MPP4: variants seen among roughly 807,000 people sequenced by gnomAD.
MPP4 encodes MAGUK p55 scaffold protein 4.
In MPP4, 91 loss-of-function variants were observed where a neutral mutation model predicts 98.3. The ratio of observed to expected loss-of-function variants is 0.93; its 90% CI spans 0.78 to 1.10. The LOEUF is 1.10. Among genes scored for constraint, MPP4 ranks in the 50% least tolerant of loss-of-function variants. MPP4 has a pLI of 0.00. For missense variants in MPP4, 744 were observed against 792.9 expected (o/e 0.94, Z 0.74); for synonymous variants, 261 against 271.8 (o/e 0.96, Z 0.39).
chr2:201,656,429 C>T (rs1279176675), intron 16 of MPP4, 61 bp from the exon 17 acceptor site: 3 of 1,427,786 alleles, frequency 2.1e-6, no homozygotes, highest in East Asian at 5.1e-5. Flanking sequence ...TGTAGCTTCA[C>T]ACCTGATGAA....
chr2:201,669,330 G>A (rs1688272869), intron 12 of MPP4, among the ~76,000 whole-genome samples: 2 of 151,854 alleles, frequency 1.3e-5, no homozygotes, highest in African/African-American at 2.4e-5. Context: ...CCATAACATG[G>A]GAATAATAAT....
chr2:201,650,568 T>C (rs1305597242), intron 18 of MPP4: 2 of 985,440 alleles, frequency 2.0e-6, no homozygotes, highest in Non-Finnish European at 2.4e-6. Context: ...TTCCACACTC[T>C]TACCTTAGGT....
intron 15 of MPP4, among the ~76,000 whole-genome samples, chr2:201,658,998 T>C (rs950499527): frequency 3.1e-4 from 47 of 152,194 alleles, no homozygotes; most frequent in African/African-American, 1.1e-3. Context: ...TGGGTTCAAG[T>C]GATTCTCCTG....
At chr2:201,677,058 C>T (rs1688525127) in intron 10 of MPP4, among the ~76,000 whole-genome samples, 1 of 152,178 alleles carries the variant, frequency 6.6e-6, no homozygotes, top group Non-Finnish European at 1.5e-5. Flanking sequence ...GTGATGAGCT[C>T]TGTAAATATC....
intron 14 of MPP4, 89 bp from the exon 15 acceptor site, chr2:201,660,435 T>A: frequency 7.0e-7 from 1 of 1,431,302 alleles, no homozygotes. Flanking sequence ...GCAAATGACA[T>A]AAGCAAGACG....
At chr2:201,678,043 T>C (rs1487872564) in intron 10 of MPP4, among the ~76,000 whole-genome samples, 3 of 152,212 alleles carry the variant, frequency 2.0e-5, no homozygotes, top group Admixed American at 1.3e-4. Context: ...GACATTTGTG[T>C]AGACTCTGCT....
At chr2:201,648,563 G>A (rs1271695444) in intron 20 of MPP4, among the ~76,000 whole-genome samples, 2 of 152,202 alleles carry the variant, frequency 1.3e-5, no homozygotes, top group African/African-American at 4.8e-5. Context: ...CAGAGTAAGA[G>A]TCTATACATG....
intron 14 of MPP4, among the ~76,000 whole-genome samples, chr2:201,663,874 T>A (rs1390651157): frequency 6.6e-6 from 1 of 152,122 alleles, no homozygotes; most frequent in Non-Finnish European, 1.5e-5. Context: ...AGAGAGACCT[T>A]GTCTCAAAAA....
chr2:201,686,025 A>G lies in MPP4; in HGVS notation c.386T>C (p.Ile129Thr). 1 of 1,612,346 alleles carries G rather than the reference A, an allele frequency of 6.2e-7. No homozygotes were observed. Among genetic ancestry groups the G allele is most frequent in the Non-Finnish European group, 8.5e-7 (1 of 1,178,538 alleles). Residue 129 changes from isoleucine to threonine, a missense_variant, in exon 6 of 22, where the codon ATA (isoleucine) becomes ACA (threonine). Transcript: ENST00000409474. ...AAGGGGTTCAAAATCTTTCTGAGCT[A>G]TCGTGTCATGGGCACTGAGCAAGGC... Reference protein sequence around the residue: ...FKALLSAHDTIAQKDFEPLLP... With the variant: ...FKALLSAHDTTAQKDFEPLLP...
chr2:201,680,843 C>CCT lies in MPP4; in HGVS notation c.923_924insAG (p.Lys309GlyfsTer34), dbSNP rs1204130510. The CCT allele has an allele frequency of 1.2e-6, 2 of 1,611,642 alleles. No homozygotes were observed. The highest frequency in any genetic ancestry group is 2.2e-5 in the South Asian group (2 of 90,604). ...GGAGTGGTGACGTTCCTTACCTCTT[C>CCT]AGAAGGTGGTTAGAAGGGACAAGCC... On this transcript the variant is annotated frameshift_variant, in exon 10 of 22. Transcript: ENST00000409474. LOFTEE classifies it high-confidence loss of function.
intron 21 of MPP4, among the ~76,000 whole-genome samples, chr2:201,647,388 A>T (rs922467665): frequency 2.6e-5 from 4 of 152,214 alleles, no homozygotes; most frequent in Non-Finnish European, 4.4e-5. Flanking sequence ...TAAGGGTAGC[A>T]TCATAACATT....
Position 201,692,928 on chromosome 2 carries a change from A to C in MPP4, c.181T>G (p.Trp61Gly). 1 of 1,610,222 alleles carries C rather than the reference A, an allele frequency of 6.2e-7. No homozygotes were observed. The highest frequency in any genetic ancestry group is 8.5e-7 in the Non-Finnish European group (1 of 1,178,338). The change falls in exon 3 of 22, where the codon TGG (tryptophan) becomes GGG (glycine). Residue 61 changes from tryptophan (W) to glycine (G), a missense_variant. Physicochemically the swap from Trp to Gly is radical, Grantham distance 184. Transcript: ENST00000409474. ...CLLYDLLHSPWLQALLKIYDC... is the reference protein window; with the variant it reads ...CLLYDLLHSPGLQALLKIYDC... The stretch of plus-strand genomic sequence containing the variant: ...CTCACCTTTAGCAGAGCCTGAAGCC[A>C]CGGCGAGTGGAGGAGATCGTACAAG...
chr2:201,647,754 A>G lies in MPP4; in HGVS notation c.1656T>C (p.Cys552=), dbSNP rs1687605546. 6.2e-7 allele frequency: 1 copy of G among 1,613,988 alleles called. No homozygotes were observed. Among genetic ancestry groups the G allele is most frequent in the Admixed American group, 1.7e-5 (1 of 60,026 alleles). The change falls in exon 21 of 22, where the codon TGT becomes TGC. Residue 552 remains cysteine (C), a synonymous_variant. Transcript: ENST00000409474. The part of the protein sequence containing the change: ...VIFIKPSNMR[C]MKQSRKNAKV... ...TGGCATTTTTCCGAGATTGTTTCAT[A>G]CACCTCATATTCGATGGCTTTATAA...
intron 21 of MPP4, chr2:201,646,958 T>A (rs1205856887): frequency 6.6e-6 from 1 of 152,210 alleles, no homozygotes; most frequent in Non-Finnish European, 1.5e-5. Context: ...TTACCACACA[T>A]ATACACACAC....
chr2:201,657,601 G>GGTT (rs1553492612), intron 16 of MPP4, among the ~76,000 whole-genome samples: 2 of 104,994 alleles, frequency 1.9e-5, no homozygotes, highest in Non-Finnish European at 3.8e-5. Context: ...TTTTTTTTTT[G>GGTT]TTTTTTTGTT....
intron 2 of MPP4, 76 bp downstream of exon 2, chr2:201,693,800 T>C (rs984134006): frequency 1.3e-6 from 2 of 1,551,144 alleles, no homozygotes; most frequent in Admixed American, 1.7e-5. Flanking sequence ...TGTCAGGATT[T>C]CTGCCTATTC....
In MPP4 at chr2:201,672,477, A is replaced by T. The variant is rs183841920; in HGVS notation, c.995-2727T>A. On this transcript the variant is annotated intron_variant, in intron 11 of 21. Coordinates refer to ENST00000409474, the MANE Select transcript of MPP4 (RefSeq NM_033066.3). Reference sequence around the variant, plus strand: ...ATTCAGGAGCTGGATTTTTGAAAAGATTAAGAAAATAGATAGACCACTAGC... The same window carrying T: ...ATTCAGGAGCTGGATTTTTGAAAAGTTTAAGAAAATAGATAGACCACTAGC... Among the ~76,000 whole-genome samples, 651 of 152,190 alleles carry T rather than the reference A, an allele frequency of 4.3e-3. 5 individuals carry two copies. Among genetic ancestry groups the T allele is most frequent in the African/African-American group, 0.015 (614 of 41,538 alleles).
chr2:201,656,461 A>G (rs1354987588), intron 16 of MPP4, 93 bp from the exon 17 acceptor site: 3 of 1,246,210 alleles, frequency 2.4e-6, no homozygotes, highest in Non-Finnish European at 3.3e-6. Context: ...CCATGATCCT[A>G]AAGTGTTCAT....
At position 201,660,260 on chromosome 2, in the gene MPP4, A is replaced by G. The variant is rs1316181379; in HGVS notation, c.1087+72T>C. On this transcript the variant is annotated intron_variant, in intron 15 of 21. Transcript: ENST00000409474. The stretch of plus-strand genomic sequence containing the variant: ...CATCTTAAACATTATCCAGTCAAGT[A>G]TTCATTTTTGAGGCACTGAAAGATC... The G allele has an allele frequency of 2.3e-6, 3 of 1,306,662 alleles. No individual in the cohort carries two copies. In the African/African-American group the frequency reaches 4.4e-5, roughly 19 times the overall value. 80.9% of individuals were successfully genotyped at this position (1,306,662 alleles called of 1,614,324 possible).
Sources: allele counts gnomAD v4.1 joint callset (sites outside exome capture counted in the v4.1 genomes callset), GRCh38; gene constraint gnomAD v4.1.1; transcripts MANE v1.5; gene names NCBI Gene and HGNC (gene_info 2026-07-23, HGNC 2026-07-21).